STXBP4: variants seen among roughly 807,000 people sequenced by gnomAD.
STXBP4 encodes syntaxin-binding protein 4.
A neutral mutation model predicts 76.1 loss-of-function variants in STXBP4; 55 were observed. The observed-to-expected ratio is 0.72, with a 90% CI of 0.58 to 0.91. The LOEUF (loss-of-function observed/expected upper bound fraction) is 0.91. Ranked by LOEUF, STXBP4 falls within the 40% of genes least tolerant of loss-of-function variation. The pLI is 0.00. For synonymous variants in STXBP4, 201 were observed against 220.2 expected (o/e 0.91, Z 0.77); for missense variants, 618 against 636.9 (o/e 0.97, Z 0.32).
At chr17:55,116,386 G>A (rs989064095) in intron 16 of STXBP4, among the ~76,000 whole-genome samples, 9 of 151,794 alleles carry the variant, frequency 5.9e-5, no homozygotes, top group African/African-American at 1.9e-4. Flanking sequence ...GTTTTAGAAT[G>A]TACCAGGCAT....
chr17:55,131,092 G>T (rs916030568), intron 16 of STXBP4, among the ~76,000 whole-genome samples: 2 of 152,130 alleles, frequency 1.3e-5, no homozygotes, highest in Non-Finnish European at 1.5e-5. Flanking sequence ...AGGAACCTAC[G>T]TACTATTTTC....
rs373207339 is a variant in STXBP4 at position 55,166,428 on chromosome 17, C to G, written c.*6517C>G. 2.0e-5 allele frequency: 3 copies of G among 152,164 alleles called. No homozygotes were observed. The highest frequency in any genetic ancestry group is 7.2e-5 in the African/African-American group (3 of 41,412). The allele number at this position is 152,164 out of a possible 1,614,324, so 9.4% of individuals were successfully genotyped here. ...TAACACAAAATTGCTTCTATTCCTC[C>G]CTTGCTAGTCTTCAGTAGTTCCCTA... On this transcript the variant is annotated 3_prime_UTR_variant, in exon 18 of 18. Coordinates refer to ENST00000376352, the MANE Select transcript of STXBP4 (RefSeq NM_178509.6).
chr17:55,204,459 G>T, the STXBP4 span, among the ~76,000 whole-genome samples: 2 of 151,308 alleles, frequency 1.3e-5, no homozygotes, highest in Non-Finnish European at 3.0e-5. Flanking sequence ...TACCTTTTTT[G>T]CCTGCCAGGT....
At chr17:55,005,949 T>A (rs911590545) in intron 7 of STXBP4, among the ~76,000 whole-genome samples, 12 of 152,086 alleles carry the variant, frequency 7.9e-5, no homozygotes, top group Non-Finnish European at 1.3e-4. Context: ...TATAAAAAAA[T>A]TATATGTGTA....
At chr17:55,067,411 A>G (rs1341421714) in intron 12 of STXBP4, among the ~76,000 whole-genome samples, 1 of 152,180 alleles carries the variant, frequency 6.6e-6, no homozygotes, top group Admixed American at 6.5e-5. Context: ...TAAATGATGG[A>G]AAAAGGTGAA....
intron 16 of STXBP4, among the ~76,000 whole-genome samples, chr17:55,108,999 A>G (rs1220654306): frequency 6.6e-6 from 1 of 152,180 alleles, no homozygotes; most frequent in East Asian, 1.9e-4. Flanking sequence ...ACAAAAATAC[A>G]TCCCCCATTG....
intron 8 of STXBP4, among the ~76,000 whole-genome samples, chr17:55,016,333 C>T (rs117806657): frequency 2.6e-5 from 4 of 152,270 alleles, no homozygotes; most frequent in Non-Finnish European, 4.4e-5. Flanking sequence ...GTGTGCCCAA[C>T]GTTGCCTTTG....
In STXBP4 at chr17:55,047,027, A is replaced by G. The variant is rs143681210; in HGVS notation, c.946-62A>G. The G allele has an allele frequency of 6.2e-4, 595 of 961,438 alleles. 2 individuals carry two copies. The African/African-American group carries it at 7.9e-3, about 13-fold the overall frequency. 59.6% of individuals were successfully genotyped at this position (961,438 alleles called of 1,614,324 possible). On this transcript the variant is annotated intron_variant, in intron 11 of 17. Coordinates refer to ENST00000376352, the MANE Select transcript of STXBP4 (RefSeq NM_178509.6). ...AATATAGGCCTTGAAACAAGGGACT[A>G]AGAAGTCACACTTGTTAATACTTTC...
the STXBP4 span, among the ~76,000 whole-genome samples, chr17:55,201,220 A>T: frequency 2.0e-5 from 3 of 152,224 alleles, no homozygotes; most frequent in African/African-American, 7.2e-5. Flanking sequence ...ATTTAAAATG[A>T]TAATCGCAAG....
chr17:55,072,877 G>GAGA, intron 12 of STXBP4, 23 bp from the exon 13 acceptor site: 2 of 1,568,038 alleles, frequency 1.3e-6, no homozygotes, highest in Non-Finnish European at 1.7e-6. Context: ...TTTTTTAAAT[G>GAGA]ACATTAATTT....
intron 9 of STXBP4, among the ~76,000 whole-genome samples, chr17:55,031,725 C>G (rs989417110): frequency 3.7e-4 from 57 of 152,112 alleles, no homozygotes; most frequent in African/African-American, 1.3e-3. Flanking sequence ...CCAAATCCAG[C>G]CATACTCAAT....
intron 16 of STXBP4, among the ~76,000 whole-genome samples, chr17:55,113,366 A>G (rs1240995570): frequency 6.6e-6 from 1 of 152,144 alleles, no homozygotes; most frequent in Non-Finnish European, 1.5e-5. Flanking sequence ...CTTTAAATAC[A>G]TACAATAAAA....
chr17:55,009,321 CAT>C lies in STXBP4; in HGVS notation c.666+1727_666+1728del, dbSNP rs2078064018. Among the ~76,000 whole-genome samples the C allele has an allele frequency of 2.6e-5, 4 of 152,246 alleles. No individual in the cohort carries two copies. The South Asian group carries it at 8.3e-4, about 32-fold the overall frequency. ...TTGAAGTTTAAAAGCATGACAATTA[CAT>C]ATCTAAAAATGAATAATTATTCAAT... On this transcript the variant is annotated intron_variant, in intron 8 of 17. Coordinates refer to ENST00000376352, the MANE Select transcript of STXBP4 (RefSeq NM_178509.6).
At chr17:55,017,439 G>A (rs1051186758) in intron 8 of STXBP4, among the ~76,000 whole-genome samples, 7 of 152,160 alleles carry the variant, frequency 4.6e-5, no homozygotes, top group Non-Finnish European at 8.8e-5. Flanking sequence ...GGACGCAGCA[G>A]CGTAGAGCTT....
chr17:55,043,925 T>C (rs1363163973), intron 11 of STXBP4: 1 of 320,450 alleles, frequency 3.1e-6, no homozygotes, highest in African/African-American at 2.1e-5. Flanking sequence ...CACGTCTCAC[T>C]GCAGCCTCAA....
intron 16 of STXBP4, among the ~76,000 whole-genome samples, chr17:55,119,904 T>C (rs2079825092): frequency 6.6e-6 from 1 of 152,110 alleles, no homozygotes; most frequent in African/African-American, 2.4e-5. Context: ...TTTCTAACCA[T>C]ATGCATATTG....
intron 17 of STXBP4, among the ~76,000 whole-genome samples, chr17:55,154,435 A>G (rs1378913049): frequency 6.6e-6 from 1 of 152,204 alleles, no homozygotes; most frequent in African/African-American, 2.4e-5. Flanking sequence ...GAAAAAGTAC[A>G]AATATACCAA....
intron 16 of STXBP4, among the ~76,000 whole-genome samples, chr17:55,133,820 A>G (rs956977450): frequency 6.6e-6 from 1 of 152,242 alleles, no homozygotes; most frequent in African/African-American, 2.4e-5. Context: ...TTTTAGCGGC[A>G]TAGGGCAAAT....
chr17:55,091,104 A>G (rs1158695006), intron 16 of STXBP4, among the ~76,000 whole-genome samples: 1 of 152,170 alleles, frequency 6.6e-6, no homozygotes, highest in Non-Finnish European at 1.5e-5. Context: ...TTATTTTCTT[A>G]AATTGCTCAT....
Sources: allele counts gnomAD v4.1 joint callset (sites outside exome capture counted in the v4.1 genomes callset), GRCh38; gene constraint gnomAD v4.1.1; transcripts MANE v1.5; gene names NCBI Gene and HGNC (gene_info 2026-07-23, HGNC 2026-07-21).